Variants in UTRN observed in about 807,000 individuals in gnomAD.
The protein encoded by UTRN is dystrophin-related protein 1.
Under a neutral mutation model 463.9 loss-of-function variants are expected in UTRN, and 283 were observed. That is an observed-to-expected ratio of 0.61 (90% confidence interval 0.55 to 0.67). The LOEUF is 0.67. Ranked by LOEUF, UTRN falls within the 30% of genes least tolerant of loss-of-function variation. UTRN has a pLI of 0.00. For synonymous variants in UTRN, 1,442 were observed against 1,431.5 expected (o/e 1.01, Z -0.17); for missense variants, 3,922 against 4,084.3 (o/e 0.96, Z 1.08).
Position 144,473,835 on chromosome 6 carries a change from T to C in UTRN, c.3180+2T>C. ...CAGAGGCAGTTAGACCAGTGCTCTG[T>C]GAGTTCTGCTGATCTGGGGAACTTG... On this transcript the variant is annotated splice_donor_variant, in intron 24 of 74. Coordinates refer to ENST00000367545, the MANE Select transcript of UTRN (RefSeq NM_007124.3). LOFTEE classifies it high-confidence loss of function. 1.2e-6 allele frequency: 2 copies of C among 1,600,802 alleles called. No individual in the cohort carries two copies. Among genetic ancestry groups the C allele is most frequent in the Non-Finnish European group, 1.7e-6 (2 of 1,169,274 alleles).
chr6:144,347,326 G>T (rs909143518), intron 2 of UTRN, among the ~76,000 whole-genome samples: 6 of 152,224 alleles, frequency 3.9e-5, no homozygotes, highest in Admixed American at 3.3e-4. Context: ...CCAGCCAAGG[G>T]TGTCCAATGT....
chr6:144,631,691 T>C (rs907690588), intron 51 of UTRN, among the ~76,000 whole-genome samples: 1 of 152,156 alleles, frequency 6.6e-6, no homozygotes, highest in Non-Finnish European at 1.5e-5. Context: ...GTGGATCGGT[T>C]CTCCTCTCAT....
intron 53 of UTRN, among the ~76,000 whole-genome samples, chr6:144,712,667 T>C (rs1433354109): frequency 6.6e-6 from 1 of 152,176 alleles, no homozygotes; most frequent in Non-Finnish European, 1.5e-5. Context: ...CTCACTTCAC[T>C]CTCTAGCAGT....
chr6:144,632,907 G>C (rs986894239), intron 51 of UTRN, among the ~76,000 whole-genome samples: 2 of 151,750 alleles, frequency 1.3e-5, no homozygotes, highest in Non-Finnish European at 2.9e-5. Context: ...TTTTAGTAGA[G>C]ACAGGGTTTC....
At chr6:144,439,068 A>G (rs1386191132) in intron 12 of UTRN, among the ~76,000 whole-genome samples, 173 bp downstream of exon 12, 1 of 152,214 alleles carries the variant, frequency 6.6e-6, no homozygotes. Flanking sequence ...TTTCTGAGCC[A>G]GGGATAAAAG....
intron 51 of UTRN, among the ~76,000 whole-genome samples, chr6:144,628,219 T>A (rs1776148145): frequency 6.6e-6 from 1 of 152,216 alleles, no homozygotes; most frequent in South Asian, 2.1e-4. Context: ...GCTATGAACA[T>A]TGGTGTACAA....
At chr6:144,367,593 T>A (rs1249961113) in intron 2 of UTRN, among the ~76,000 whole-genome samples, 1 of 152,198 alleles carries the variant, frequency 6.6e-6, no homozygotes, top group East Asian at 1.9e-4. Flanking sequence ...GACAAACAGA[T>A]GTAGCGATAG....
In UTRN at chr6:144,776,667, C is replaced by T. The variant is rs117776726; in HGVS notation, c.8632+2303C>T. Among the ~76,000 whole-genome samples the T allele has an allele frequency of 3.3e-3, 503 of 152,246 alleles. 19 individuals are homozygous for T. The East Asian group carries it at 0.078, about 24-fold the overall frequency. ...CCTCCTTCCCTCTGCTCCACCGGGG[C>T]ATCACCATTTCATCATCCACTTAGT... On this transcript the variant is annotated intron_variant, in intron 60 of 74. Transcript: ENST00000367545.
intron 60 of UTRN, among the ~76,000 whole-genome samples, chr6:144,781,286 C>T (rs967814117): frequency 6.6e-6 from 1 of 152,184 alleles, no homozygotes; most frequent in African/African-American, 2.4e-5. Flanking sequence ...TACAGGTCAC[C>T]TCTGTGTCAG....
In UTRN at chr6:144,437,696, G is replaced by A; in HGVS notation, c.1191G>A (p.Leu397=). Residue 397 remains leucine (L), a synonymous_variant, in exon 11 of 75, where the codon CTG becomes CTA. Transcript: ENST00000367545. The part of the protein sequence containing the change: ...EFEIQEQMTL[L]NARWEALRVE... ...AGATTCAGGAACAGATGACCCTGCTGAATGCTAGATGGGAGGCTCTTAGGG... is the reference window on the plus strand; with the variant it reads ...AGATTCAGGAACAGATGACCCTGCTAAATGCTAGATGGGAGGCTCTTAGGG... 1.2e-6 allele frequency: 2 copies of A among 1,614,172 alleles called. No homozygotes were observed. Among genetic ancestry groups the A allele is most frequent in the Non-Finnish European group, 1.7e-6 (2 of 1,180,024 alleles).
Position 144,577,224 on chromosome 6 carries a change from C to A in UTRN, c.7415C>A (p.Ala2472Asp), listed in dbSNP as rs368195054. Residue 2472 changes from alanine to aspartate, a missense_variant, in exon 51 of 75, where the codon GCC becomes GAC. Ala to Asp is a moderately radical substitution (Grantham distance 126). Coordinates refer to ENST00000367545, the MANE Select transcript of UTRN (RefSeq NM_007124.3). ...ACCACAGTGAATGTGCTTGTGGATG[C>A]CTCTCATCGGGAGAATGCTCTTCAG... is the stretch of plus-strand genomic sequence containing the variant. ...AETTVNVLVD[A>D]SHRENALQDS... 2.1e-4 allele frequency: 336 copies of A among 1,613,832 alleles called. No individual in the cohort carries two copies. The highest frequency in any genetic ancestry group is 2.6e-4 in the Non-Finnish European group (305 of 1,179,926).
chr6:144,732,019 G>A (rs1445501822), intron 54 of UTRN, among the ~76,000 whole-genome samples: 2 of 151,400 alleles, frequency 1.3e-5, no homozygotes, highest in Non-Finnish European at 2.9e-5. Flanking sequence ...CCACCACCAC[G>A]CCCAGCTAGT....
intron 73 of UTRN, among the ~76,000 whole-genome samples, chr6:144,846,325 T>C (rs562847731): frequency 1.2e-3 from 177 of 152,206 alleles, no homozygotes; most frequent in Non-Finnish European, 2.0e-3. Flanking sequence ...AGCACTTTCC[T>C]TGATGCAAGT....
At chr6:144,555,038 T>G (rs1799255738) in intron 49 of UTRN, 145 bp downstream of exon 49, 1 of 1,076,326 alleles carries the variant, frequency 9.3e-7, no homozygotes, top group Non-Finnish European at 1.3e-6. Flanking sequence ...ATGAAGAATT[T>G]GATCTGGAAG....
intron 2 of UTRN, among the ~76,000 whole-genome samples, chr6:144,347,966 C>T (rs1018260945): frequency 1.3e-5 from 2 of 151,512 alleles, no homozygotes; most frequent in Non-Finnish European, 2.9e-5. Context: ...ACCTCAGTCT[C>T]CTGAGTAGCT....
chr6:144,367,995 C>A (rs1176731656), intron 2 of UTRN, among the ~76,000 whole-genome samples: 1 of 151,934 alleles, frequency 6.6e-6, no homozygotes, highest in Non-Finnish European at 1.5e-5. Flanking sequence ...TTGGCCAGGC[C>A]GGTATCAAAC....
At chr6:144,469,275 A>G (rs556471239) in intron 23 of UTRN, among the ~76,000 whole-genome samples, 1 of 152,330 alleles carries the variant, frequency 6.6e-6, no homozygotes, top group East Asian at 1.9e-4. Flanking sequence ...GGACATAAAC[A>G]CCAAAACTTG....
At chr6:144,294,199 A>G (rs1346077842) in intron 2 of UTRN, among the ~76,000 whole-genome samples, 1 of 152,112 alleles carries the variant, frequency 6.6e-6, no homozygotes, top group African/African-American at 2.4e-5. Flanking sequence ...TTGTGGTGGC[A>G]TCTACTTCAA....
chr6:144,528,718 G>A (rs564793693), intron 41 of UTRN, among the ~76,000 whole-genome samples: 28 of 152,324 alleles, frequency 1.8e-4, no homozygotes, highest in African/African-American at 2.4e-4. Flanking sequence ...GGAGTGAAGC[G>A]GCCTCTGTGA....
Sources: allele counts gnomAD v4.1 joint callset (sites outside exome capture counted in the v4.1 genomes callset), GRCh38; gene constraint gnomAD v4.1.1; transcripts MANE v1.5; gene names NCBI Gene and HGNC (gene_info 2026-07-23, HGNC 2026-07-21).